Variants in MED27 observed in about 807,000 individuals in gnomAD.
The protein encoded by MED27 is mediator of RNA polymerase II transcription subunit 27.
A neutral mutation model predicts 38.2 loss-of-function variants in MED27; 30 were observed. That is an observed-to-expected ratio of 0.79 (90% CI 0.59 to 1.07). MED27 has a LOEUF of 1.07. Ranked by LOEUF, MED27 falls within the 50% of genes least tolerant of loss-of-function variation. The probability of loss-of-function intolerance (pLI) is 0.00; values close to 1 mark genes in which losing one functional copy is unlikely to be tolerated. For synonymous variants in MED27, 122 were observed against 153.5 expected, an observed-to-expected ratio of 0.79 and a Z score of 1.52; for missense variants, 289 against 397.5, an observed-to-expected ratio of 0.73 and a Z score of 2.32.
chr9:132,053,182 G>A (rs1833501562), intron 2 of MED27, among the ~76,000 whole-genome samples: 1 of 152,114 alleles, frequency 6.6e-6, no homozygotes, highest in Admixed American at 6.5e-5. Flanking sequence ...GAACCCAGGA[G>A]GCGGAGCTTG....
chr9:132,010,380 C>T (rs964421762), intron 3 of MED27, among the ~76,000 whole-genome samples: 1 of 152,164 alleles, frequency 6.6e-6, no homozygotes, highest in Admixed American at 6.5e-5. Flanking sequence ...AGTCAGGAAA[C>T]AACAGGTGCT....
At chr9:131,882,101 T>C (rs79272553) in intron 6 of MED27, among the ~76,000 whole-genome samples, 2,140 of 152,274 alleles carry the variant, frequency 0.014, 47 homozygotes, top group African/African-American at 0.048. Context: ...GGGTAGCACA[T>C]TGCATTTAGC....
At chr9:132,005,073 A>G (rs906940790) in intron 3 of MED27, among the ~76,000 whole-genome samples, 10 of 152,196 alleles carry the variant, frequency 6.6e-5, no homozygotes, top group Non-Finnish European at 1.3e-4. Context: ...CATCAAAGAC[A>G]GACTGAGAGA....
At chr9:132,067,996 T>C (rs1833846924) in intron 2 of MED27, among the ~76,000 whole-genome samples, 1 of 152,210 alleles carries the variant, frequency 6.6e-6, no homozygotes, top group Non-Finnish European at 1.5e-5. Context: ...TGAAGCTAGG[T>C]CATTATTCTC....
chr9:131,972,818 C>A (rs563616569), intron 3 of MED27, among the ~76,000 whole-genome samples: 1 of 152,152 alleles, frequency 6.6e-6, no homozygotes, highest in African/African-American at 2.4e-5. Context: ...GAGGCTGACA[C>A]GGGTGGGTCA....
chr9:131,863,460 G>T (rs1838684710), intron 6 of MED27, among the ~76,000 whole-genome samples: 2 of 152,204 alleles, frequency 1.3e-5, no homozygotes, highest in Admixed American at 6.5e-5. Context: ...TCCCAGAGGG[G>T]ATCCCAAGCC....
chr9:131,871,703 C>T (rs1054285943), intron 6 of MED27, among the ~76,000 whole-genome samples: 2 of 152,080 alleles, frequency 1.3e-5, no homozygotes, highest in Non-Finnish European at 2.9e-5. Flanking sequence ...ACACACACCC[C>T]CACGCCTGGC....
At chr9:132,012,314 GCC>G (rs1832502180) in intron 3 of MED27, among the ~76,000 whole-genome samples, 2 of 152,168 alleles carry the variant, frequency 1.3e-5, no homozygotes, top group Non-Finnish European at 2.9e-5. Context: ...TAGAATAATG[GCC>G]CTTAAGAAGC....
chr9:131,959,908 T>C (rs1377034579), intron 3 of MED27, among the ~76,000 whole-genome samples: 5 of 152,136 alleles, frequency 3.3e-5, no homozygotes, highest in Non-Finnish European at 7.4e-5. Flanking sequence ...CTGAAGAAAC[T>C]TGTAACTAGA....
At chr9:131,910,122 C>T (rs1016895144) in intron 4 of MED27, among the ~76,000 whole-genome samples, 2 of 152,186 alleles carry the variant, frequency 1.3e-5, no homozygotes, top group African/African-American at 4.8e-5. Context: ...ATTTAAGAGT[C>T]TTGTTTATTC....
At chr9:131,966,147 G>A (rs1454577237) in intron 3 of MED27, among the ~76,000 whole-genome samples, 1 of 137,714 alleles carries the variant, frequency 7.3e-6, no homozygotes, top group African/African-American at 2.8e-5. Context: ...AGGATTGCTT[G>A]AGGCCAGGCA....
chr9:131,904,063 C>T (rs999115840), intron 4 of MED27, among the ~76,000 whole-genome samples: 1 of 152,082 alleles, frequency 6.6e-6, no homozygotes, highest in Admixed American at 6.5e-5. Flanking sequence ...CCATGCCTGG[C>T]TAATTTTTGT....
intron 2 of MED27, among the ~76,000 whole-genome samples, chr9:132,026,528 T>C (rs890897475): frequency 1.3e-5 from 2 of 152,172 alleles, no homozygotes; most frequent in African/African-American, 2.4e-5. Flanking sequence ...GGAACTGTCT[T>C]GTACTCCATT....
rs1197947730 is a variant in MED27, at chr9:131,883,292, G to C, written c.723+766C>G. Among the ~76,000 whole-genome samples, 2 of 152,154 alleles carry C rather than the reference G, an allele frequency of 1.3e-5. No homozygotes were observed. The highest frequency in any genetic ancestry group is 4.1e-4 in the South Asian group (2 of 4,826). The stretch of plus-strand genomic sequence containing the variant: ...AAGATGGATGAGAACAGAAGAAGCC[G>C]GCTGCTGCCCTGCAGGGAGCTGGCC... On this transcript the variant is annotated intron_variant, in intron 6 of 7. Transcript: ENST00000292035. This position sits in a 1 kb window ranked among gnomAD's most constrained non-coding sequence, Gnocchi z 4.2.
intron 2 of MED27, among the ~76,000 whole-genome samples, chr9:132,025,474 G>A (rs1239856300): frequency 5.9e-5 from 9 of 152,182 alleles, no homozygotes; most frequent in South Asian, 2.1e-4. Context: ...GAGCCACCGC[G>A]CCCAGCCCTG....
intron 3 of MED27, among the ~76,000 whole-genome samples, chr9:131,980,746 A>G (rs925347061): frequency 7.1e-6 from 1 of 141,800 alleles, no homozygotes; most frequent in African/African-American, 2.6e-5. Flanking sequence ...AGTCCCATTT[A>G]AAAAAAAAAA....
chr9:131,891,066 C>A (rs1337794224), intron 5 of MED27, among the ~76,000 whole-genome samples: 1 of 152,156 alleles, frequency 6.6e-6, no homozygotes, highest in South Asian at 2.1e-4. Context: ...CCCAGGTCGG[C>A]CATCTCTAGA....
rs1317749475 is a variant in MED27, at chr9:132,003,767, G to A, written c.479+10570C>T. The stretch of plus-strand genomic sequence containing the variant: ...ACCACCCAGTACTTTTGGGAAGGGG[G>A]GATTGGAGTATTTTAAAGTGAATCT... On this transcript the variant is annotated intron_variant, in intron 3 of 7. Transcript: ENST00000292035. This position sits in a 1 kb window ranked among gnomAD's most constrained non-coding sequence, Gnocchi z 4.2. Among the ~76,000 whole-genome samples the A allele has an allele frequency of 6.6e-6, 1 of 152,034 alleles. No individual in the cohort carries two copies. The highest frequency in any genetic ancestry group is 1.5e-5 in the Non-Finnish European group (1 of 68,018).
At chr9:132,045,283 C>A (rs62581895) in intron 2 of MED27, among the ~76,000 whole-genome samples, 1 of 151,884 alleles carries the variant, frequency 6.6e-6, no homozygotes, top group African/African-American at 2.4e-5. Context: ...TCTATCGATA[C>A]AAGAAAAGTT....
Sources: gnomAD v4.1 joint callset for allele counts (sites outside exome capture counted in the v4.1 genomes callset) on GRCh38, gnomAD v4.1.1 for gene constraint, Gnocchi (gnomAD v3.1) non-coding constraint, MANE v1.5 for transcripts, NCBI Gene and HGNC (gene_info 2026-07-23, HGNC 2026-07-21) for gene names.